Variants in NDUFAF2 observed in about 807,000 individuals in gnomAD.
NDUFAF2 encodes the protein NADH:ubiquinone oxidoreductase complex assembly factor 2, also known as NADH dehydrogenase [ubiquinone] 1 alpha subcomplex assembly factor 2.
NDUFAF2 carries 13 observed loss-of-function variants against 22.8 expected under a neutral mutation model. That is an observed-to-expected ratio of 0.57 (90% CI 0.37 to 0.91). NDUFAF2 has a LOEUF of 0.91. Ranked by LOEUF, NDUFAF2 falls within the 40% of genes least tolerant of loss-of-function variation. NDUFAF2 has a pLI of 0.01. For synonymous variants in NDUFAF2, 53 were observed against 64.2 expected (o/e 0.83, Z 0.84); for missense variants, 162 against 195.2 (o/e 0.83, Z 1.01).
chr5:61,066,625 C>T (rs1021439160), intron 1 of NDUFAF2, among the ~76,000 whole-genome samples: 1 of 151,890 alleles, frequency 6.6e-6, no homozygotes, highest in South Asian at 2.1e-4. Flanking sequence ...GATGAAAAAT[C>T]TGCGGATGAT....
At chr5:61,007,283 TA>T (rs1751380109) in intron 1 of NDUFAF2, among the ~76,000 whole-genome samples, 1 of 151,978 alleles carries the variant, frequency 6.6e-6, no homozygotes, top group Non-Finnish European at 1.5e-5. Context: ...CATCTTGAAT[TA>T]ATTTTTGTAT....
chr5:60,959,339 A>C (rs1580067711), intron 1 of NDUFAF2, among the ~76,000 whole-genome samples: 1 of 152,162 alleles, frequency 6.6e-6, no homozygotes, highest in Middle Eastern at 3.4e-3. Context: ...AGGAGTAATC[A>C]TTTCTCTAAA....
chr5:61,110,556 G>GT (rs1173198556), intron 3 of NDUFAF2, among the ~76,000 whole-genome samples: 1 of 151,954 alleles, frequency 6.6e-6, no homozygotes, highest in South Asian at 2.1e-4. Flanking sequence ...TCAGTAGGTT[G>GT]TATGTGTCTA....
chr5:61,002,264 GA>G (rs1751306265), intron 1 of NDUFAF2, among the ~76,000 whole-genome samples: 1 of 152,070 alleles, frequency 6.6e-6, no homozygotes, highest in Admixed American at 6.6e-5. Flanking sequence ...CTTAAGATAA[GA>G]ATTGTAGTTT....
At chr5:61,098,903 A>C in intron 2 of NDUFAF2, 89 bp from the exon 3 acceptor site, 1 of 865,176 alleles carries the variant, frequency 1.2e-6, no homozygotes. Context: ...AATAATATGG[A>C]GTAGGTACTC....
chr5:61,136,459 A>C (rs1740944929), intron 3 of NDUFAF2, among the ~76,000 whole-genome samples: 1 of 152,004 alleles, frequency 6.6e-6, no homozygotes, highest in Non-Finnish European at 1.5e-5. Flanking sequence ...TTCTCTCTCA[A>C]GGTCACCAAA....
intron 1 of NDUFAF2, among the ~76,000 whole-genome samples, chr5:60,946,683 T>G (rs1301752421): frequency 6.6e-6 from 1 of 152,230 alleles, no homozygotes; most frequent in Non-Finnish European, 1.5e-5. Context: ...TACAGTAACA[T>G]TCACCCTTTA....
chr5:61,126,533 A>C (rs1753037580), intron 3 of NDUFAF2, among the ~76,000 whole-genome samples: 1 of 152,074 alleles, frequency 6.6e-6, no homozygotes, highest in Non-Finnish European at 1.5e-5. Flanking sequence ...GATTTTCTGT[A>C]GAATGATTTC....
chr5:61,133,030 G>T (rs1357256477), intron 3 of NDUFAF2, among the ~76,000 whole-genome samples: 1 of 152,124 alleles, frequency 6.6e-6, no homozygotes, highest in African/African-American at 2.4e-5. Flanking sequence ...TAAGTAAGGG[G>T]CACTTGCCTA....
intron 3 of NDUFAF2, among the ~76,000 whole-genome samples, chr5:61,139,414 T>C (rs1741017079): frequency 6.6e-6 from 1 of 152,182 alleles, no homozygotes; most frequent in Admixed American, 6.5e-5. Flanking sequence ...CTGTCATAAG[T>C]TGAATCATTG....
chr5:61,095,633 G>A (rs925036205), intron 2 of NDUFAF2, among the ~76,000 whole-genome samples: 2 of 152,188 alleles, frequency 1.3e-5, no homozygotes, highest in African/African-American at 4.8e-5. Context: ...TGCCTGAGTG[G>A]CTGCTCTGCC....
intron 1 of NDUFAF2, among the ~76,000 whole-genome samples, chr5:61,039,471 A>G (rs1355739502): frequency 1.3e-5 from 2 of 152,208 alleles, no homozygotes; most frequent in Non-Finnish European, 2.9e-5. Flanking sequence ...TGCTTCCTAG[A>G]AAATAGTAAT....
chr5:60,953,971 A>G (rs894266583), intron 1 of NDUFAF2, among the ~76,000 whole-genome samples: 6 of 152,222 alleles, frequency 3.9e-5, no homozygotes, highest in Middle Eastern at 3.2e-3. Context: ...CTTTCCATGC[A>G]AATGAGGAAC....
chr5:60,980,532 G>C (rs1750962861), intron 1 of NDUFAF2, among the ~76,000 whole-genome samples: 1 of 152,148 alleles, frequency 6.6e-6, no homozygotes, highest in African/African-American at 2.4e-5. Flanking sequence ...AGCACTTTGG[G>C]AGGCTAAGAC....
At chr5:61,074,751 A>T (rs938487462) in intron 2 of NDUFAF2, among the ~76,000 whole-genome samples, 1 of 152,114 alleles carries the variant, frequency 6.6e-6, no homozygotes, top group African/African-American at 2.4e-5. Context: ...CAAGAGCGAA[A>T]CTCCGTCTCA....
At chr5:60,970,421 A>G (rs545646401) in intron 1 of NDUFAF2, among the ~76,000 whole-genome samples, 2 of 152,146 alleles carry the variant, frequency 1.3e-5, no homozygotes, top group East Asian at 3.9e-4. Context: ...AGTGTTTTAT[A>G]GTTTTCATTG....
intron 3 of NDUFAF2, among the ~76,000 whole-genome samples, chr5:61,152,041 A>G (rs1419296568): frequency 6.6e-6 from 1 of 152,184 alleles, no homozygotes; most frequent in Admixed American, 6.5e-5. Flanking sequence ...TTGGGTATAG[A>G]TCCTCCTAGA....
intron 3 of NDUFAF2, among the ~76,000 whole-genome samples, chr5:61,118,156 A>T (rs950021991): frequency 6.6e-6 from 1 of 152,144 alleles, no homozygotes; most frequent in Non-Finnish European, 1.5e-5. Flanking sequence ...TCAGAAGAAA[A>T]GCTTACCCCT....
At chr5:61,038,109 A>AGG in intron 1 of NDUFAF2, among the ~76,000 whole-genome samples, 1 of 148,936 alleles carries the variant, frequency 6.7e-6, no homozygotes. Flanking sequence ...AGAGAGAGAG[A>AGG]GAGAGAGGGA....
Sources: gnomAD v4.1 joint callset for allele counts (sites outside exome capture counted in the v4.1 genomes callset) on GRCh38, gnomAD v4.1.1 for gene constraint, MANE v1.5 for transcripts, NCBI Gene and HGNC (gene_info 2026-07-23, HGNC 2026-07-21) for gene names.